The following CHST11 variants were observed in gnomAD, a reference collection of about 807,000 sequenced individuals.
CHST11 encodes carbohydrate sulfotransferase 11.
Under a neutral mutation model 30.4 loss-of-function variants are expected in CHST11, and 9 were observed. The observed-to-expected ratio is 0.30, with a 90% confidence interval of 0.18 to 0.52. The LOEUF (loss-of-function observed/expected upper bound fraction) is 0.52. CHST11 is among the 20% of genes least tolerant of loss of function. The probability of loss-of-function intolerance (pLI) is 0.97; values close to 1 mark genes in which losing one functional copy is unlikely to be tolerated. For missense variants in CHST11, 348 were observed against 460.6 expected, an observed-to-expected ratio of 0.76 and a Z score of 2.24; for synonymous variants, 152 against 187.8, an observed-to-expected ratio of 0.81 and a Z score of 1.56.
chr12:104,575,394 A>G (rs1276213411), intron 1 of CHST11, among the ~76,000 whole-genome samples: 1 of 152,086 alleles, frequency 6.6e-6, no homozygotes, highest in East Asian at 1.9e-4. Flanking sequence ...ATGCAGGAGG[A>G]ACTGGGGACA....
chr12:104,595,082 C>A (rs1057372391), intron 1 of CHST11, among the ~76,000 whole-genome samples: 8 of 152,128 alleles, frequency 5.3e-5, no homozygotes, highest in African/African-American at 1.9e-4. Context: ...ACTCTGAGAT[C>A]CCCTAACTCT....
At chr12:104,481,193 A>G (rs1303018861) in intron 1 of CHST11, among the ~76,000 whole-genome samples, 1 of 152,150 alleles carries the variant, frequency 6.6e-6, no homozygotes, top group Non-Finnish European at 1.5e-5. Flanking sequence ...GCCTGACTTC[A>G]AGGTCCCGCC....
At chr12:104,552,532 C>T (rs2038414830) in intron 1 of CHST11, 4 of 152,362 alleles carry the variant, frequency 2.6e-5, no homozygotes, top group Admixed American at 2.6e-4. Flanking sequence ...TCTCAAACTC[C>T]TGGGCTCAAG....
chr12:104,479,879 T>C (rs997042973), intron 1 of CHST11, among the ~76,000 whole-genome samples: 21 of 152,226 alleles, frequency 1.4e-4, no homozygotes, highest in African/African-American at 5.1e-4. Context: ...TCTGCCTTCC[T>C]GCCAGTGGGA....
Position 104,675,409 on chromosome 12 carries a change from T to A in CHST11, c.204+73418T>A, listed in dbSNP as rs2039731932. Among the ~76,000 whole-genome samples the A allele has an allele frequency of 2.0e-5, 3 of 152,234 alleles. No individual in the cohort carries two copies. In the South Asian group the frequency reaches 6.2e-4, roughly 31 times the overall value. On this transcript the variant is annotated intron_variant, in intron 2 of 2. Coordinates refer to ENST00000303694, the MANE Select transcript of CHST11 (RefSeq NM_018413.6). Reference sequence around the variant, plus strand: ...GTAGATTTGCCTTTTTCCCCCTGGGTGATACAGACTCATAACTTTCCAATA... The same window carrying A: ...GTAGATTTGCCTTTTTCCCCCTGGGAGATACAGACTCATAACTTTCCAATA...
chr12:104,458,039 G>C lies in CHST11; in HGVS notation c.118+510G>C, dbSNP rs1347600119. Reference sequence around the variant, plus strand: ...GGGCGAAGGGTGTACGCCCCGGCGAGGTTGCGAGTCCCTGCAGCAGGCTGG... The same window carrying C: ...GGGCGAAGGGTGTACGCCCCGGCGACGTTGCGAGTCCCTGCAGCAGGCTGG... On this transcript the variant is annotated intron_variant, in intron 1 of 2. Transcript: ENST00000303694. The surrounding 1 kb of genome is among the most constrained non-coding windows in gnomAD (Gnocchi z 5.7). Among the ~76,000 whole-genome samples, 1 of 151,764 alleles carries C rather than the reference G, an allele frequency of 6.6e-6. No individual in the cohort carries two copies. Among genetic ancestry groups the C allele is most frequent in the Non-Finnish European group, 1.5e-5 (1 of 67,866 alleles).
At chr12:104,589,939 G>C (rs1330386550) in intron 1 of CHST11, among the ~76,000 whole-genome samples, 2 of 152,146 alleles carry the variant, frequency 1.3e-5, no homozygotes, top group African/African-American at 4.8e-5. Context: ...AATCCGGGAG[G>C]AGGAGGCTGC....
intron 1 of CHST11, among the ~76,000 whole-genome samples, chr12:104,564,518 A>G (rs915822024): frequency 2.6e-5 from 4 of 152,232 alleles, no homozygotes; most frequent in Non-Finnish European, 5.9e-5. Flanking sequence ...CACAGTGCTC[A>G]GGGTTTAGCG....
intron 2 of CHST11, among the ~76,000 whole-genome samples, chr12:104,746,053 T>C (rs13377795): frequency 0.013 from 2,023 of 152,324 alleles, 45 homozygotes; most frequent in African/African-American, 0.046. Flanking sequence ...TTTGCCCGTT[T>C]AGTATGATGT....
intron 2 of CHST11, among the ~76,000 whole-genome samples, chr12:104,693,768 T>C (rs935195785): frequency 1.3e-5 from 2 of 152,082 alleles, no homozygotes; most frequent in African/African-American, 2.4e-5. Context: ...CAAAGTGAAG[T>C]ACATAGTGGT....
chr12:104,682,674 A>T (rs150204137), intron 2 of CHST11, among the ~76,000 whole-genome samples: 14 of 152,364 alleles, frequency 9.2e-5, no homozygotes, highest in African/African-American at 3.1e-4. Context: ...GAGACAGACT[A>T]GAGATAGCAA....
chr12:104,559,712 C>T lies in CHST11; in HGVS notation c.119-42194C>T, dbSNP rs368161330. On this transcript the variant is annotated intron_variant, in intron 1 of 2. Coordinates refer to ENST00000303694, the MANE Select transcript of CHST11 (RefSeq NM_018413.6). ...GAGCCAAGATCATATCATTGCACTCCAGCCTGGGCAACAAGAGTGGAACTC... is the reference window on the plus strand; with the variant it reads ...GAGCCAAGATCATATCATTGCACTCTAGCCTGGGCAACAAGAGTGGAACTC... 4.1e-4 allele frequency among the ~76,000 whole-genome samples: 63 copies of T among 152,172 alleles called. 1 individual carries two copies. The East Asian group carries it at 0.011, about 27-fold the overall frequency.
At chr12:104,664,280 T>A (rs1685416925) in intron 2 of CHST11, among the ~76,000 whole-genome samples, 1 of 152,230 alleles carries the variant, frequency 6.6e-6, no homozygotes, top group Non-Finnish European at 1.5e-5. Context: ...CTCTTATGTA[T>A]GTCATCGATC....
At position 104,757,667 on chromosome 12, in the gene CHST11, C is replaced by T. The variant is rs2040491182; in HGVS notation, c.923C>T (p.Thr308Met). The change falls in exon 3 of 3, where the codon ACG becomes ATG. Residue 308 changes from threonine to methionine, a missense_variant. Thr to Met is a moderately conservative substitution (Grantham distance 81). Coordinates refer to ENST00000303694, the MANE Select transcript of CHST11 (RefSeq NM_018413.6). The surrounding 1 kb of genome is among the most constrained non-coding windows in gnomAD (Gnocchi z 6.5). ...AAGTTCCCCACCTATGCAAAGTCTA[C>T]GAGAACTACTGATGAAATGACCACA... is the stretch of plus-strand genomic sequence containing the variant. ...YLKFPTYAKS[T>M]RTTDEMTTEF... The T allele has an allele frequency of 2.5e-6, 4 of 1,613,984 alleles. No individual in the cohort carries two copies. The highest frequency in any genetic ancestry group is 3.4e-6 in the Non-Finnish European group (4 of 1,180,050).
At chr12:104,657,438 A>G (rs1447627063) in intron 2 of CHST11, among the ~76,000 whole-genome samples, 1 of 152,158 alleles carries the variant, frequency 6.6e-6, no homozygotes, top group Non-Finnish European at 1.5e-5. Context: ...TAAGTCTTTC[A>G]GGATCACGCC....
chr12:104,516,851 C>T (rs2038028977), intron 1 of CHST11, among the ~76,000 whole-genome samples: 1 of 151,912 alleles, frequency 6.6e-6, no homozygotes, highest in Admixed American at 6.6e-5. Context: ...ATTTGTGTGC[C>T]CTGTTGGGCT....
chr12:104,757,396 A>C lies in CHST11; in HGVS notation c.652A>C (p.Lys218Gln), dbSNP rs773612441. Residue 218 changes from lysine (K) to glutamine (Q), a missense_variant, in exon 3 of 3, where the codon AAA (lysine) becomes CAA (glutamine). Physicochemically the swap from Lys to Gln is moderately conservative, Grantham distance 53. Coordinates refer to ENST00000303694, the MANE Select transcript of CHST11 (RefSeq NM_018413.6). The surrounding 1 kb of genome is among the most constrained non-coding windows in gnomAD (Gnocchi z 6.5). ...CAAGCGGTACGGCACCAAGATCATC[A>C]AACGCCAGCGGAAGAACGCCACCCA... ...FHKRYGTKII[K>Q]RQRKNATQEA... 2.5e-6 allele frequency: 4 copies of C among 1,614,104 alleles called. No homozygotes were observed. The highest frequency in any genetic ancestry group is 3.4e-6 in the Non-Finnish European group (4 of 1,180,014).
At chr12:104,618,098 G>A (rs563734230) in intron 2 of CHST11, among the ~76,000 whole-genome samples, 23 of 151,766 alleles carry the variant, frequency 1.5e-4, no homozygotes, top group South Asian at 4.2e-4. Context: ...TAGTAGAGAC[G>A]GGTTTTCACC....
At chr12:104,483,447 C>T (rs548754530) in intron 1 of CHST11, among the ~76,000 whole-genome samples, 3 of 152,278 alleles carry the variant, frequency 2.0e-5, no homozygotes, top group South Asian at 4.1e-4. Flanking sequence ...CTCAGGTGAT[C>T]GGCCTGCCTC....
Sources: allele counts gnomAD v4.1 joint callset (sites outside exome capture counted in the v4.1 genomes callset), GRCh38; gene constraint gnomAD v4.1.1; non-coding constraint Gnocchi (gnomAD v3.1); transcripts MANE v1.5; gene names NCBI Gene and HGNC (gene_info 2026-07-23, HGNC 2026-07-21).